Variants in VWA3B observed in about 807,000 individuals in gnomAD.
VWA3B encodes von Willebrand factor A domain containing 3B, also known as von Willebrand factor A domain-containing protein 3B.
In VWA3B, 138 loss-of-function variants were observed where a neutral mutation model predicts 158.3. That is an observed-to-expected ratio of 0.87 (90% CI 0.76 to 1.00). The LOEUF (loss-of-function observed/expected upper bound fraction) is 1.00. Ranked by LOEUF, VWA3B falls within the 50% of genes least tolerant of loss-of-function variation. The probability of loss-of-function intolerance (pLI) is 0.00; values close to 1 mark genes in which losing one functional copy is unlikely to be tolerated. For missense variants in VWA3B, 1,555 were observed against 1,565.1 expected, an observed-to-expected ratio of 0.99 and a Z score of 0.11; for synonymous variants, 596 against 587.3, an observed-to-expected ratio of 1.01 and a Z score of -0.21.
At chr2:98,263,299 A>G (rs1437944522) in intron 21 of VWA3B, among the ~76,000 whole-genome samples, 7 of 151,906 alleles carry the variant, frequency 4.6e-5, no homozygotes, top group Admixed American at 2.0e-4. Flanking sequence ...ACTATGTTGA[A>G]TAAAGGGAGA....
At chr2:98,138,850 C>T (rs1395479408) in intron 7 of VWA3B, among the ~76,000 whole-genome samples, 2 of 152,254 alleles carry the variant, frequency 1.3e-5, no homozygotes, top group Non-Finnish European at 2.9e-5. Flanking sequence ...TGGCAGTCCT[C>T]ACAGCCTCGC....
At chr2:98,197,316 G>A (rs1009975339) in intron 12 of VWA3B, among the ~76,000 whole-genome samples, 1 of 152,188 alleles carries the variant, frequency 6.6e-6, no homozygotes, top group African/African-American at 2.4e-5. Context: ...TCTATGACCA[G>A]CAGTGTTTAC....
At chr2:98,190,921 C>T (rs367886808) in intron 10 of VWA3B, among the ~76,000 whole-genome samples, 394 of 152,198 alleles carry the variant, frequency 2.6e-3, no homozygotes, top group Non-Finnish European at 4.4e-3. Context: ...GTCATATTTT[C>T]TCAAATATTT....
intron 2 of VWA3B, among the ~76,000 whole-genome samples, chr2:98,113,619 T>G (rs1013350023): frequency 7.2e-5 from 11 of 152,204 alleles, no homozygotes; most frequent in African/African-American, 2.7e-4. Flanking sequence ...TTTTACTATA[T>G]TCACAGATAT....
chr2:98,283,015 AT>A (rs1475626688), intron 22 of VWA3B, among the ~76,000 whole-genome samples: 2 of 152,220 alleles, frequency 1.3e-5, no homozygotes, highest in East Asian at 1.9e-4. Flanking sequence ...TTATCTGATT[AT>A]TTTAGGCAAC....
At chr2:98,114,282 T>A (rs1674363539) in intron 2 of VWA3B, among the ~76,000 whole-genome samples, 1 of 152,202 alleles carries the variant, frequency 6.6e-6, no homozygotes, top group Non-Finnish European at 1.5e-5. Flanking sequence ...CAGATAAATG[T>A]CTTAGGTAAA....
intron 23 of VWA3B, among the ~76,000 whole-genome samples, chr2:98,293,225 T>C (rs1689604505): frequency 6.6e-6 from 1 of 152,178 alleles, no homozygotes; most frequent in Non-Finnish European, 1.5e-5. Context: ...AGGCAGAAAG[T>C]ACATACTATA....
chr2:98,307,475 G>C (rs1252602330), intron 26 of VWA3B, among the ~76,000 whole-genome samples: 1 of 152,244 alleles, frequency 6.6e-6, no homozygotes, highest in Non-Finnish European at 1.5e-5. Flanking sequence ...AAATAAGGAA[G>C]AGGAACAGGC....
chr2:98,203,510 T>C (rs535420935), intron 12 of VWA3B, among the ~76,000 whole-genome samples: 14 of 152,340 alleles, frequency 9.2e-5, no homozygotes, highest in African/African-American at 2.9e-4. Flanking sequence ...AACCTATAGA[T>C]CTAATTAGGA....
rs199749479 is a variant in VWA3B, at chr2:98,217,837, T to C, written c.1837-9T>C. 4.8e-4 allele frequency: 746 copies of C among 1,567,496 alleles called. 6 individuals are homozygous for C. The highest frequency in any genetic ancestry group is 9.9e-5 in the Non-Finnish European group (115 of 1,163,222). Reference sequence around the variant, plus strand: ...TCCCTTCCCCCATCCCCAAAACTTATCGTTTCAGCCACCTGAAACAGTTAT... The same window carrying C: ...TCCCTTCCCCCATCCCCAAAACTTACCGTTTCAGCCACCTGAAACAGTTAT... On this transcript the variant is annotated splice_polypyrimidine_tract_variant and intron_variant, in intron 13 of 27. Coordinates refer to ENST00000477737, the MANE Select transcript of VWA3B (RefSeq NM_144992.5).
intron 3 of VWA3B, among the ~76,000 whole-genome samples, chr2:98,119,189 G>C (rs1368531035): frequency 6.6e-6 from 1 of 152,164 alleles, no homozygotes; most frequent in African/African-American, 2.4e-5. Flanking sequence ...GCCTTTGTTG[G>C]TCTTTTCTCC....
chr2:98,220,518 T>G (rs1684406514), intron 14 of VWA3B, among the ~76,000 whole-genome samples: 1 of 152,212 alleles, frequency 6.6e-6, no homozygotes, highest in South Asian at 2.1e-4. Context: ...CCCATCATTC[T>G]TCAACCATTG....
chr2:98,230,294 T>C lies in VWA3B; in HGVS notation c.2308+87T>C, dbSNP rs530351448. The stretch of plus-strand genomic sequence containing the variant: ...TAAAACTAAACCCACATAATATTTT[T>C]AAGAAGCACTAAACTTGTGGGTTTT... On this transcript the variant is annotated intron_variant, in intron 16 of 27. Coordinates refer to ENST00000477737, the MANE Select transcript of VWA3B (RefSeq NM_144992.5). 3.8e-4 allele frequency: 490 copies of C among 1,304,088 alleles called. 6 individuals are homozygous for C. In the South Asian group the frequency reaches 0.011, roughly 30 times the overall value. The allele number at this position is 1,304,088 out of a possible 1,614,324, so 80.8% of individuals were successfully genotyped here.
intron 25 of VWA3B, among the ~76,000 whole-genome samples, chr2:98,300,725 C>T (rs1477583049): frequency 6.6e-6 from 1 of 152,124 alleles, no homozygotes; most frequent in Non-Finnish European, 1.5e-5. Context: ...CCCGCTCCTG[C>T]CCTGAGCTCC....
chr2:98,303,262 C>CG (rs1396051160), intron 25 of VWA3B, among the ~76,000 whole-genome samples: 8 of 102,200 alleles, frequency 7.8e-5, no homozygotes, highest in South Asian at 7.3e-4. Context: ...TGGCCGGGGG[C>CG]GGGGGGTGGA....
At chr2:98,096,285 T>A (rs1166846307) in intron 2 of VWA3B, among the ~76,000 whole-genome samples, 5 of 151,980 alleles carry the variant, frequency 3.3e-5, no homozygotes, top group African/African-American at 9.6e-5. Context: ...TTTTTTTTTT[T>A]AAAGATGGAG....
In VWA3B at chr2:98,146,043, A is replaced by AT. The variant is rs1309224672; in HGVS notation, c.988+12113dup. ...AGCCACTGCACCTAGCCCTTTCCTA[A>AT]TTTTTTTTTATATTTCATCTTTTCT... On this transcript the variant is annotated intron_variant, in intron 7 of 27. Transcript: ENST00000477737. Among the ~76,000 whole-genome samples the AT allele has an allele frequency of 1.6e-3, 238 of 151,104 alleles. 1 individual carries two copies. The Middle Eastern group carries it at 0.021, about 13-fold the overall frequency.
Position 98,239,911 on chromosome 2 carries a change from TA to T in VWA3B, c.2673+3194del, listed in dbSNP as rs1203490437. Among the ~76,000 whole-genome samples the T allele has an allele frequency of 6.0e-3, 817 of 135,210 alleles. 3 individuals are homozygous for T. Among genetic ancestry groups the T allele is most frequent in the East Asian group, 5.7e-3 (27 of 4,778 alleles). 88.7% of individuals were successfully genotyped at this position (135,210 alleles called of 152,430 possible). Reference sequence around the variant, plus strand: ...CCTGGCAACAGAGCGAGACTTCATCTAAAAAAAAAAAAAGAAAGAAAGTGAA... The same window carrying T: ...CCTGGCAACAGAGCGAGACTTCATCTAAAAAAAAAAAAGAAAGAAAGTGAA... On this transcript the variant is annotated intron_variant, in intron 19 of 27. Coordinates refer to ENST00000477737, the MANE Select transcript of VWA3B (RefSeq NM_144992.5).
At chr2:98,297,718 A>G (rs997404764) in intron 23 of VWA3B, among the ~76,000 whole-genome samples, 189 bp from the exon 24 acceptor site, 2 of 152,180 alleles carry the variant, frequency 1.3e-5, no homozygotes, top group South Asian at 2.1e-4. Flanking sequence ...AGGCATGTGC[A>G]CCACTTTGAA....
Sources: allele counts gnomAD v4.1 joint callset (sites outside exome capture counted in the v4.1 genomes callset), GRCh38; gene constraint gnomAD v4.1.1; transcripts MANE v1.5; gene names NCBI Gene and HGNC (gene_info 2026-07-23, HGNC 2026-07-21).